The following BLNK variants were observed in gnomAD, a reference collection of about 807,000 sequenced individuals.
The protein encoded by BLNK is B cell linker.
BLNK carries 29 observed loss-of-function variants against 73.5 expected under a neutral mutation model. The observed-to-expected ratio is 0.39, with a 90% CI of 0.29 to 0.54. The LOEUF (loss-of-function observed/expected upper bound fraction) is 0.54. Ranked by LOEUF, BLNK falls within the 20% of genes least tolerant of loss-of-function variation. The probability of loss-of-function intolerance (pLI) is 0.61; values close to 1 mark genes in which losing one functional copy is unlikely to be tolerated. For synonymous variants in BLNK, 176 were observed against 200.8 expected, an observed-to-expected ratio of 0.88 and a Z score of 1.04; for missense variants, 460 against 562.8, an observed-to-expected ratio of 0.82 and a Z score of 1.85.
At chr10:96,232,914 AAGCGATCCTGCT>A (rs202198691) in intron 3 of BLNK, among the ~76,000 whole-genome samples, 1,781 of 151,796 alleles carry the variant, frequency 0.012, 34 homozygotes, top group African/African-American at 0.041. Flanking sequence ...TCCTTGGTGC[AAGCGATCCTGCT>A]ACCTCAGCCT....
At chr10:96,223,753 G>C in intron 6 of BLNK, 73 bp downstream of exon 6, 8 of 1,532,670 alleles carry the variant, frequency 5.2e-6, no homozygotes, top group Non-Finnish European at 5.4e-6. Context: ...GACAGCCAGC[G>C]GGCAGGCTGT....
intron 1 of BLNK, among the ~76,000 whole-genome samples, chr10:96,254,247 G>C (rs568833116): frequency 6.6e-6 from 1 of 152,238 alleles, no homozygotes; most frequent in African/African-American, 2.4e-5. Flanking sequence ...TTCTCCCCAG[G>C]AAAGGAAAGA....
intron 11 of BLNK, among the ~76,000 whole-genome samples, chr10:96,206,513 T>C (rs1564818304): frequency 1.4e-5 from 2 of 140,648 alleles, no homozygotes. Flanking sequence ...TATGCACCAC[T>C]GCACTCCAGT....
chr10:96,192,906 C>T (rs782754557), intron 16 of BLNK, among the ~76,000 whole-genome samples: 5 of 152,096 alleles, frequency 3.3e-5, no homozygotes, highest in Non-Finnish European at 7.4e-5. Flanking sequence ...TACAACAGTG[C>T]CATGAGTTTA....
chr10:96,203,251 T>G (rs1214053200), intron 13 of BLNK, among the ~76,000 whole-genome samples: 1 of 152,184 alleles, frequency 6.6e-6, no homozygotes, highest in African/African-American at 2.4e-5. Flanking sequence ...AAAAATAAAT[T>G]TCTGTAGCCA....
intron 15 of BLNK, among the ~76,000 whole-genome samples, chr10:96,198,791 T>C (rs1251788759): frequency 6.6e-6 from 1 of 152,224 alleles, no homozygotes; most frequent in Non-Finnish European, 1.5e-5. Flanking sequence ...TTCCGCCTCC[T>C]AGGCCCAACC....
chr10:96,192,841 A>C (rs2083363432), intron 16 of BLNK, among the ~76,000 whole-genome samples: 1 of 152,228 alleles, frequency 6.6e-6, no homozygotes, highest in Non-Finnish European at 1.5e-5. Context: ...AAAGTGCTAC[A>C]AGTTCACACT....
intron 16 of BLNK, among the ~76,000 whole-genome samples, chr10:96,196,325 G>T (rs1564810492): frequency 6.6e-6 from 1 of 152,184 alleles, no homozygotes; most frequent in African/African-American, 2.4e-5. Context: ...TATAGGAGCA[G>T]GCTGGCTAAA....
intron 1 of BLNK, among the ~76,000 whole-genome samples, chr10:96,265,172 G>A (rs1843944363): frequency 6.8e-6 from 1 of 147,672 alleles, no homozygotes; most frequent in Admixed American, 6.8e-5. Context: ...TTGTAGAGAT[G>A]GGTGTCTCAT....
intron 8 of BLNK, chr10:96,210,314 G>T: frequency 4.0e-6 from 1 of 248,206 alleles, no homozygotes; most frequent in Non-Finnish European, 8.0e-6. Context: ...GCACGGCAGA[G>T]GTGCCCAGAG....
At chr10:96,237,352 T>C (rs970584181) in intron 3 of BLNK, among the ~76,000 whole-genome samples, 1 of 33,362 alleles carries the variant, frequency 3.0e-5, no homozygotes, top group Non-Finnish European at 7.1e-5. Context: ...TCTGGATTTT[T>C]ATTTTTTTCC....
intron 5 of BLNK, 140 bp downstream of exon 5, chr10:96,227,270 C>G: frequency 1.8e-6 from 2 of 1,137,998 alleles, no homozygotes; most frequent in Non-Finnish European, 2.5e-6. Flanking sequence ...CCCAGATCCC[C>G]TGCTTGGAGG....
chr10:96,248,169 A>G lies in BLNK; in HGVS notation c.48-1120T>C, dbSNP rs186773959. Reference sequence around the variant, plus strand: ...AGAAATATTTGCAACATATAGTAATAATAATAAGAACTACATATTAGTTTG... The same window carrying G: ...AGAAATATTTGCAACATATAGTAATGATAATAAGAACTACATATTAGTTTG... On this transcript the variant is annotated intron_variant, in intron 1 of 16. Transcript: ENST00000224337. Among the ~76,000 whole-genome samples the G allele has an allele frequency of 4.9e-3, 746 of 152,342 alleles. 5 individuals carry two copies. Among genetic ancestry groups the G allele is most frequent in the Non-Finnish European group, 8.3e-3 (566 of 68,028 alleles).
intron 1 of BLNK, among the ~76,000 whole-genome samples, chr10:96,263,210 G>C (rs907554301): frequency 1.3e-5 from 2 of 152,240 alleles, no homozygotes; most frequent in African/African-American, 4.8e-5. Flanking sequence ...CAACAGCAGA[G>C]CATTAAACCA....
intron 1 of BLNK, among the ~76,000 whole-genome samples, chr10:96,258,185 G>A (rs1281323169): frequency 6.6e-6 from 1 of 152,196 alleles, no homozygotes; most frequent in Non-Finnish European, 1.5e-5. Context: ...AGCACTGCAG[G>A]CTGCTTCCTT....
rs150845381 is a variant in BLNK, at chr10:96,269,295, C to CTT, written c.47+2055_47+2056dup. 6.2e-3 allele frequency among the ~76,000 whole-genome samples: 940 copies of CTT among 152,174 alleles called. 6 individuals carry two copies. Among genetic ancestry groups the CTT allele is most frequent in the African/African-American group, 0.02 (850 of 41,504 alleles). The stretch of plus-strand genomic sequence containing the variant: ...TCAACTACTCTGTGATCAAGCTGGA[C>CTT]TTTGTCCCAAAGGGAGGAATCATAA... On this transcript the variant is annotated intron_variant, in intron 1 of 16. Coordinates refer to ENST00000224337, the MANE Select transcript of BLNK (RefSeq NM_013314.4).
intron 16 of BLNK, among the ~76,000 whole-genome samples, chr10:96,195,200 G>A (rs587640929): frequency 6.6e-6 from 1 of 152,316 alleles, no homozygotes; most frequent in South Asian, 2.1e-4. Flanking sequence ...AAACCCTCGT[G>A]TGCTGTTGGT....
intron 11 of BLNK, chr10:96,205,223 A>C (rs2305844): frequency 0.033 from 5,102 of 156,532 alleles, 257 homozygotes; most frequent in East Asian, 0.21. Flanking sequence ...AGTGTAAGAA[A>C]TTTATGTTGA....
At chr10:96,216,940 T>C (rs1471173176) in intron 6 of BLNK, among the ~76,000 whole-genome samples, 1 of 152,208 alleles carries the variant, frequency 6.6e-6, no homozygotes, top group East Asian at 1.9e-4. Context: ...GACATTTTTA[T>C]GCAAAAAGAA....
Sources: allele counts gnomAD v4.1 joint callset (sites outside exome capture counted in the v4.1 genomes callset), GRCh38; gene constraint gnomAD v4.1.1; transcripts MANE v1.5; gene names NCBI Gene and HGNC (gene_info 2026-07-23, HGNC 2026-07-21).